The following MALRD1 variants were observed in gnomAD, a reference collection of about 807,000 sequenced individuals.
MALRD1 encodes MAM and LDL receptor class A domain containing 1, also known as MAM and LDL-receptor class A domain-containing protein 1.
A neutral mutation model predicts 242.1 loss-of-function variants in MALRD1; 247 were observed. The ratio of observed to expected loss-of-function variants is 1.02; its 90% CI spans 0.92 to 1.13. The LOEUF (loss-of-function observed/expected upper bound fraction) is 1.13, where lower values mean the gene tolerates loss of function less well. Among genes scored for constraint, MALRD1 ranks in the 50% most tolerant of loss-of-function variants. The pLI is 0.00. For synonymous variants in MALRD1, 995 were observed against 866.6 expected (o/e 1.15, Z -2.60); for missense variants, 2,989 against 2,533.1 (o/e 1.18, Z -3.86).
rs1032204636 is a variant in MALRD1 at position 19,516,548 on chromosome 10, A to G, written c.5321-14646A>G. On this transcript the variant is annotated intron_variant, in intron 31 of 39. Coordinates refer to ENST00000454679, the MANE Select transcript of MALRD1 (RefSeq NM_001142308.3). ...CAAGATTGCTTTCCTAGATGACTAA[A>G]TATTCTACTAATATTTGTGGGGAAA... 2.6e-5 allele frequency among the ~76,000 whole-genome samples: 4 copies of G among 152,142 alleles called. No individual in the cohort carries two copies. In the East Asian group the frequency reaches 7.7e-4, roughly 29 times the overall value.
At chr10:19,125,701 A>G (rs553045689) in intron 7 of MALRD1, among the ~76,000 whole-genome samples, 28 of 151,944 alleles carry the variant, frequency 1.8e-4, no homozygotes, top group African/African-American at 6.3e-4. Flanking sequence ...AAAGTGCTCT[A>G]CTATTTCTGC....
At chr10:19,204,212 C>T in intron 15 of MALRD1, 96 bp from the exon 16 acceptor site, 1 of 790,798 alleles carries the variant, frequency 1.3e-6, no homozygotes, top group Non-Finnish European at 2.0e-6. Flanking sequence ...TTCAGTTAGA[C>T]AATGATCTTG....
intron 26 of MALRD1, among the ~76,000 whole-genome samples, chr10:19,352,866 G>A (rs1028238372): frequency 6.6e-6 from 1 of 152,108 alleles, no homozygotes; most frequent in Non-Finnish European, 1.5e-5. Flanking sequence ...CAGATACAAT[G>A]TTGTAAGTAG....
chr10:19,225,530 A>T (rs1267291106), intron 18 of MALRD1, among the ~76,000 whole-genome samples: 1 of 149,500 alleles, frequency 6.7e-6, no homozygotes, highest in Non-Finnish European at 1.5e-5. Context: ...TTTTTCTGTC[A>T]TTACCAATAT....
At chr10:19,212,650 C>A (rs1350285767) in intron 18 of MALRD1, among the ~76,000 whole-genome samples, 2 of 150,294 alleles carry the variant, frequency 1.3e-5, no homozygotes, top group Admixed American at 6.7e-5. Flanking sequence ...GTATGTTTAA[C>A]TTTTTAAGGG....
At chr10:19,506,400 T>C (rs1162063302) in intron 31 of MALRD1, among the ~76,000 whole-genome samples, 1 of 152,148 alleles carries the variant, frequency 6.6e-6, no homozygotes, top group Non-Finnish European at 1.5e-5. Context: ...TGACTGGGTT[T>C]ATTATCCAGC....
intron 9 of MALRD1, 73 bp from the exon 10 acceptor site, chr10:19,136,501 T>C: frequency 1.1e-6 from 1 of 873,236 alleles, no homozygotes. Flanking sequence ...ACTTTGTCTT[T>C]ATCAACCTTC....
intron 28 of MALRD1, among the ~76,000 whole-genome samples, chr10:19,439,334 C>G (rs1033321720): frequency 1.7e-4 from 26 of 152,020 alleles, no homozygotes; most frequent in Non-Finnish European, 1.2e-4. Context: ...AGTTTAAAAC[C>G]AGCCTGGGCA....
chr10:19,208,921 T>C (rs972076336), intron 17 of MALRD1, among the ~76,000 whole-genome samples: 2 of 152,198 alleles, frequency 1.3e-5, no homozygotes, highest in African/African-American at 4.8e-5. Context: ...GGTTGAAATC[T>C]ACTGAGCCAG....
chr10:19,164,541 C>G (rs918083134), intron 12 of MALRD1, among the ~76,000 whole-genome samples: 6 of 152,062 alleles, frequency 3.9e-5, no homozygotes, highest in Non-Finnish European at 7.4e-5. Flanking sequence ...AAACATACAG[C>G]CTTAGGACCT....
chr10:19,203,990 A>G (rs1394077830), intron 15 of MALRD1, 110 bp downstream of exon 15: 2 of 1,276,540 alleles, frequency 1.6e-6, no homozygotes, highest in Non-Finnish European at 2.2e-6. Flanking sequence ...AAACAGTCAG[A>G]TAGTTGAATA....
At chr10:19,722,521 TG>T (rs2131911308) in intron 38 of MALRD1, 1 of 136,570 alleles carries the variant, frequency 7.3e-6, no homozygotes, top group African/African-American at 2.8e-5. Context: ...GCCCAGGAGT[TG>T]GAGGCTGCTG....
chr10:19,557,518 A>G (rs966276954), intron 32 of MALRD1, among the ~76,000 whole-genome samples: 2 of 151,820 alleles, frequency 1.3e-5, no homozygotes, highest in African/African-American at 2.4e-5. Flanking sequence ...TTGTGGGTGT[A>G]GTTGTTCTGC....
At chr10:19,057,533 C>T (rs1834704143) in intron 1 of MALRD1, among the ~76,000 whole-genome samples, 1 of 152,078 alleles carries the variant, frequency 6.6e-6, no homozygotes, top group African/African-American at 2.4e-5. Context: ...TTTGAGGGGA[C>T]ACACACATTC....
intron 39 of MALRD1, among the ~76,000 whole-genome samples, chr10:19,732,406 G>T (rs981360304): frequency 3.3e-5 from 5 of 152,100 alleles, no homozygotes; most frequent in African/African-American, 1.2e-4. Flanking sequence ...GGGATTAGAG[G>T]CGCCTGCCAC....
intron 26 of MALRD1, among the ~76,000 whole-genome samples, chr10:19,359,576 C>T (rs897376584): frequency 6.6e-5 from 10 of 151,958 alleles, no homozygotes; most frequent in Non-Finnish European, 1.3e-4. Flanking sequence ...TCACTATTGT[C>T]TTTCCTGTGT....
At chr10:19,438,181 TTA>T (rs2130971896) in intron 28 of MALRD1, among the ~76,000 whole-genome samples, 2 of 152,116 alleles carry the variant, frequency 1.3e-5, no homozygotes, top group Admixed American at 1.3e-4. Context: ...GTTTCTTTTT[TTA>T]CTCTAGGTGT....
chr10:19,139,348 A>G (rs1171638442), intron 10 of MALRD1, among the ~76,000 whole-genome samples: 3 of 152,248 alleles, frequency 2.0e-5, no homozygotes, highest in African/African-American at 4.8e-5. Context: ...AAACATTTGT[A>G]TCTTACAAAT....
chr10:19,421,324 G>A (rs966858288), intron 28 of MALRD1, among the ~76,000 whole-genome samples: 5 of 152,142 alleles, frequency 3.3e-5, no homozygotes, highest in Admixed American at 2.0e-4. Context: ...TTTCCAATGC[G>A]CTCTGATTCT....
Sources: gnomAD v4.1 joint callset for allele counts (sites outside exome capture counted in the v4.1 genomes callset) on GRCh38, gnomAD v4.1.1 for gene constraint, MANE v1.5 for transcripts, NCBI Gene and HGNC (gene_info 2026-07-23, HGNC 2026-07-21) for gene names.